The following CACNA1C variants were observed in gnomAD, a reference collection of about 807,000 sequenced individuals.
CACNA1C encodes the protein calcium voltage-gated channel subunit alpha1 C.
Under a neutral mutation model 229.0 loss-of-function variants are expected in CACNA1C, and 30 were observed. That is an observed-to-expected ratio of 0.13 (90% CI 0.10 to 0.18). CACNA1C has a LOEUF of 0.18. Among genes scored for constraint, CACNA1C ranks in the 10% least tolerant of loss-of-function variants. The pLI, the probability that CACNA1C is intolerant of heterozygous loss-of-function variation, is 1.00. For missense variants in CACNA1C, 1,658 were observed against 2,845.0 expected, an observed-to-expected ratio of 0.58 and a Z score of 9.49; for synonymous variants, 1,114 against 1,132.5, an observed-to-expected ratio of 0.98 and a Z score of 0.33.
chr12:2,228,983 G>A (rs2063875332), intron 3 of CACNA1C, among the ~76,000 whole-genome samples: 1 of 152,150 alleles, frequency 6.6e-6, no homozygotes, highest in African/African-American at 2.4e-5. Flanking sequence ...AGGAGGAGAC[G>A]CTCCTGTAGC....
chr12:2,545,857 A>G (rs1233832044), intron 9 of CACNA1C, among the ~76,000 whole-genome samples: 1 of 152,262 alleles, frequency 6.6e-6, no homozygotes, highest in Non-Finnish European at 1.5e-5. Flanking sequence ...TGAAATGGGA[A>G]AACTCTATCT....
chr12:2,602,662 G>C lies in CACNA1C; in HGVS notation c.2960+702G>C, dbSNP rs987680742. Among the ~76,000 whole-genome samples, 3 of 150,850 alleles carry C rather than the reference G, an allele frequency of 2.0e-5. No individual in the cohort carries two copies. The highest frequency in any genetic ancestry group is 6.6e-5 in the Admixed American group (1 of 15,186). On this transcript the variant is annotated intron_variant, in intron 22 of 46. Transcript: ENST00000399655. This position sits in a 1 kb window ranked among gnomAD's most constrained non-coding sequence, Gnocchi z 4.4. ...TGTGTGTGTGTGTGTGTGTGTGTGT[G>C]TGTGTGTGAGTTTTTCATTTCACTG...
At chr12:2,669,226 A>G (rs553899479) in intron 38 of CACNA1C, among the ~76,000 whole-genome samples, 191 bp downstream of exon 38, 1 of 152,220 alleles carries the variant, frequency 6.6e-6, no homozygotes, top group South Asian at 2.1e-4. Flanking sequence ...TTGCTCCTGA[A>G]TGGTCTCCCT....
intron 9 of CACNA1C, among the ~76,000 whole-genome samples, chr12:2,515,082 C>T (rs1017462557): frequency 3.0e-4 from 45 of 152,160 alleles, no homozygotes; most frequent in African/African-American, 1.1e-3. Context: ...CTGGAGGAGC[C>T]CTGGGGGTCT....
chr12:2,682,837 A>T, intron 43 of CACNA1C, among the ~76,000 whole-genome samples, 159 bp downstream of exon 43: 1 of 368 alleles, frequency 2.7e-3, no homozygotes, highest in Non-Finnish European at 0.056. Flanking sequence ...CCTCAGTGAA[A>T]TGGGAGCCCC....
chr12:2,638,168 A>T (rs1299575193), intron 30 of CACNA1C, among the ~76,000 whole-genome samples: 2 of 152,222 alleles, frequency 1.3e-5, no homozygotes, highest in African/African-American at 4.8e-5. Flanking sequence ...TAAGGAACTC[A>T]TACGGTGTGT....
rs74636260 is a variant in CACNA1C at position 2,271,532 on chromosome 12, C to T, written c.477+151102C>T. Among the ~76,000 whole-genome samples, 52 of 152,228 alleles carry T rather than the reference C, an allele frequency of 3.4e-4. No homozygotes were observed. In the East Asian group the frequency reaches 9.1e-3, roughly 27 times the overall value. On this transcript the variant is annotated intron_variant, in intron 3 of 46. Transcript: ENST00000399655. ...TAAGTTGTTTAACATTTTAGTTCCT[C>T]GATACCCTAATCTATAAAATGGGGA... is the stretch of plus-strand genomic sequence containing the variant.
At chr12:2,576,355 G>T (rs1030529991) in intron 13 of CACNA1C, among the ~76,000 whole-genome samples, 4 of 152,168 alleles carry the variant, frequency 2.6e-5, no homozygotes, top group Admixed American at 6.5e-5. Context: ...CCCGGGTGCT[G>T]TAGAGCCCAC....
intron 34 of CACNA1C, among the ~76,000 whole-genome samples, chr12:2,656,546 C>A (rs906103866): frequency 1.3e-5 from 2 of 152,116 alleles, no homozygotes; most frequent in Non-Finnish European, 2.9e-5. Flanking sequence ...TATCAAAATG[C>A]CAATGTCATT....
chr12:2,220,804 T>G (rs11062161), intron 3 of CACNA1C: 1 of 152,108 alleles, frequency 6.6e-6, no homozygotes, highest in Non-Finnish European at 1.5e-5. Context: ...CGAGGCACTT[T>G]GACAGGCACT....
rs1028211574 is a variant in CACNA1C, at chr12:2,484,159, G to C, written c.758-1945G>C. 4.6e-5 allele frequency among the ~76,000 whole-genome samples: 7 copies of C among 152,310 alleles called. 2 individuals carry two copies. ...TCAAACTGAGGTGCACTCTCCAGAG[G>C]ATAGAAAATAGTTCCAAGAAGACAT... On this transcript the variant is annotated intron_variant, in intron 5 of 46. Coordinates refer to ENST00000399655, the MANE Select transcript of CACNA1C (RefSeq NM_000719.7).
At chr12:2,536,586 T>G (rs1402294864) in intron 9 of CACNA1C, among the ~76,000 whole-genome samples, 1 of 152,166 alleles carries the variant, frequency 6.6e-6, no homozygotes, top group African/African-American at 2.4e-5. Flanking sequence ...CCCAACATTT[T>G]GGAAGGCTGA....
At chr12:2,638,756 G>A (rs1047528506) in intron 30 of CACNA1C, among the ~76,000 whole-genome samples, 11 of 152,228 alleles carry the variant, frequency 7.2e-5, no homozygotes, top group Admixed American at 5.9e-4. Context: ...AGGACTGGGA[G>A]GTTTGGCCTA....
intron 1 of CACNA1C, among the ~76,000 whole-genome samples, chr12:2,033,722 A>T (rs2048622927): frequency 6.6e-6 from 1 of 152,214 alleles, no homozygotes; most frequent in South Asian, 2.1e-4. Context: ...TCTCCAGCAA[A>T]CATCCCTCTA....
chr12:2,055,054 A>G (rs576465957), intron 1 of CACNA1C, among the ~76,000 whole-genome samples: 14 of 152,366 alleles, frequency 9.2e-5, no homozygotes, highest in African/African-American at 3.4e-4. Flanking sequence ...CATGGGTGGC[A>G]GCTTGGGGAT....
In CACNA1C at chr12:2,608,781, G is replaced by C. The variant is rs906828974; in HGVS notation, c.3558+69G>C. 8 of 1,503,770 alleles carry C rather than the reference G, an allele frequency of 5.3e-6. No homozygotes were observed. In the African/African-American group the frequency reaches 9.6e-5, roughly 18 times the overall value. 93.2% of individuals were successfully genotyped at this position (1,503,770 alleles called of 1,614,324 possible). On this transcript the variant is annotated intron_variant, in intron 27 of 46. Coordinates refer to ENST00000399655, the MANE Select transcript of CACNA1C (RefSeq NM_000719.7). This position sits in a 1 kb window ranked among gnomAD's most constrained non-coding sequence, Gnocchi z 4.2. ...GGAATGGCAGCCTGCGGCCCACCCC[G>C]CAGAGGGGCTGCGACAGGGAGAGGC...
chr12:2,463,853 A>T (rs146189714), intron 5 of CACNA1C, among the ~76,000 whole-genome samples: 168 of 152,316 alleles, frequency 1.1e-3, no homozygotes, highest in African/African-American at 3.6e-3. Flanking sequence ...CTCTGCTGTG[A>T]GCATCCACTC....
chr12:2,153,321 A>G (rs2095387176), intron 3 of CACNA1C, among the ~76,000 whole-genome samples: 1 of 152,170 alleles, frequency 6.6e-6, no homozygotes, highest in Non-Finnish European at 1.5e-5. Context: ...TTACTGTGGT[A>G]AAATATACAT....
At chr12:2,218,350 T>C (rs935664086) in intron 3 of CACNA1C, among the ~76,000 whole-genome samples, 1 of 152,222 alleles carries the variant, frequency 6.6e-6, no homozygotes, top group African/African-American at 2.4e-5. Flanking sequence ...GCAAACTCAT[T>C]GACTTTTCTT....
Sources: gnomAD v4.1 joint callset for allele counts (sites outside exome capture counted in the v4.1 genomes callset) on GRCh38, gnomAD v4.1.1 for gene constraint, Gnocchi (gnomAD v3.1) non-coding constraint, MANE v1.5 for transcripts, NCBI Gene and HGNC (gene_info 2026-07-23, HGNC 2026-07-21) for gene names.